CLEC7A: variants seen among roughly 807,000 people sequenced by gnomAD.
CLEC7A encodes C-type lectin domain containing 7A, also known as C-type lectin domain family 7 member A.
Under a neutral mutation model 26.9 loss-of-function variants are expected in CLEC7A, and 25 were observed. The observed-to-expected ratio is 0.93, with a 90% CI of 0.68 to 1.30. The LOEUF (loss-of-function observed/expected upper bound fraction) is 1.30, where lower values mean the gene tolerates loss of function less well. CLEC7A is among the 50% of genes most tolerant of loss of function. The probability of loss-of-function intolerance (pLI) is 0.00; values close to 1 mark genes in which losing one functional copy is unlikely to be tolerated. For synonymous variants in CLEC7A, 100 were observed against 99.5 expected (o/e 1.01, Z -0.03); for missense variants, 275 against 286.7 (o/e 0.96, Z 0.29).
At chr12:10,128,567 C>T (rs532960944) in intron 1 of CLEC7A, among the ~76,000 whole-genome samples, 12 of 152,194 alleles carry the variant, frequency 7.9e-5, no homozygotes, top group African/African-American at 2.2e-4. Flanking sequence ...TGTTGCATGA[C>T]CCTGGGCAAA....
chr12:10,127,148 C>T (rs763248251), intron 2 of CLEC7A: 23 of 1,094,448 alleles, frequency 2.1e-5, no homozygotes, highest in Non-Finnish European at 2.9e-5. Context: ...CATGAAGACT[C>T]TCTGAAGGTG....
intron 1 of CLEC7A, among the ~76,000 whole-genome samples, chr12:10,129,719 G>A (rs1043085008): frequency 1.3e-5 from 2 of 152,096 alleles, no homozygotes; most frequent in Admixed American, 6.6e-5. Context: ...CCAGGTTCAA[G>A]TGATTCTCCT....
At chr12:10,127,897 G>A in intron 1 of CLEC7A, 52 bp from the exon 2 acceptor site, 1 of 1,254,750 alleles carries the variant, frequency 8.0e-7, no homozygotes. Flanking sequence ...ATGACGGATG[G>A]TGGGGCAGTT....
At chr12:10,127,676 A>T in intron 2 of CLEC7A, 71 bp downstream of exon 2, 1 of 1,130,628 alleles carries the variant, frequency 8.8e-7, no homozygotes, top group Non-Finnish European at 1.3e-6. Context: ...TCAAGCCCTT[A>T]AAAGAGTGCC....
intron 5 of CLEC7A, among the ~76,000 whole-genome samples, chr12:10,119,426 G>A (rs962691475): frequency 1.3e-5 from 2 of 152,130 alleles, no homozygotes; most frequent in Non-Finnish European, 2.9e-5. Flanking sequence ...TAAGTGTTTT[G>A]GGGGCATAGA....
intron 4 of CLEC7A, among the ~76,000 whole-genome samples, chr12:10,123,796 C>A (rs1948184723): frequency 1.3e-5 from 2 of 149,662 alleles, no homozygotes; most frequent in South Asian, 4.1e-4. Context: ...GCATGCCTAA[C>A]CTGACATCAA....
intron 1 of CLEC7A, among the ~76,000 whole-genome samples, chr12:10,129,219 AC>A (rs1482208075): frequency 1.3e-5 from 2 of 152,178 alleles, no homozygotes. Flanking sequence ...TTGTTTAAAA[AC>A]AATTTAAATT....
chr12:10,129,298 G>A (rs116214711), intron 1 of CLEC7A, among the ~76,000 whole-genome samples: 34 of 151,846 alleles, frequency 2.2e-4, no homozygotes, highest in African/African-American at 7.5e-4. Context: ...GCCTCCATTC[G>A]ATAATCTAGC....
At position 10,130,096 on chromosome 12, in the gene CLEC7A, C is replaced by T. The variant is rs1442974329; in HGVS notation, c.-14G>A. On this transcript the variant is annotated 5_prime_UTR_variant, in exon 1 of 6. Coordinates refer to ENST00000304084, the MANE Select transcript of CLEC7A (RefSeq NM_197947.3). ...ATGATATTCCATTGTTCTTGAGAGCCCCTGAATAGATATAGCATTTGGGAG... is the reference window on the plus strand; with the variant it reads ...ATGATATTCCATTGTTCTTGAGAGCTCCTGAATAGATATAGCATTTGGGAG... 11 of 1,297,700 alleles carry T rather than the reference C, an allele frequency of 8.5e-6. No homozygotes were observed. Among genetic ancestry groups the T allele is most frequent in the Non-Finnish European group, 1.2e-5 (11 of 895,328 alleles). The allele number at this position is 1,297,700 out of a possible 1,614,324, so 80.4% of individuals were successfully genotyped here. A position where few individuals can be genotyped will look rare whatever the true frequency, so the allele number is the denominator to read the frequency against.
At chr12:10,120,902 C>T (rs1004908775) in intron 5 of CLEC7A, among the ~76,000 whole-genome samples, 78 of 151,358 alleles carry the variant, frequency 5.2e-4, no homozygotes, top group African/African-American at 1.8e-3. Context: ...TACAGGCGTC[C>T]ACCACCACAC....
rs773757098 is a variant in CLEC7A at position 10,125,125 on chromosome 12, G to C, written c.492+172C>G. ...TGAGGTGGGAGGATCACTTGAGCCT[G>C]GGATGTCGCGGCTTCACTGCACTCT... On this transcript the variant is annotated intron_variant, in intron 4 of 5. Coordinates refer to ENST00000304084, the MANE Select transcript of CLEC7A (RefSeq NM_197947.3). The C allele has an allele frequency of 4.3e-6, 3 of 695,392 alleles. No individual in the cohort carries two copies. In the African/African-American group the frequency reaches 5.3e-5, roughly 12 times the overall value. The allele number at this position is 695,392 out of a possible 1,614,324, so 43.1% of individuals were successfully genotyped here. A position where few individuals can be genotyped will look rare whatever the true frequency, so the allele number is the denominator to read the frequency against.
intron 5 of CLEC7A, among the ~76,000 whole-genome samples, chr12:10,120,899 G>A (rs1269363415): frequency 2.0e-5 from 3 of 150,822 alleles, no homozygotes; most frequent in Non-Finnish European, 3.0e-5. Context: ...GATTACAGGC[G>A]TCCACCACCA....
intron 2 of CLEC7A, 67 bp from the exon 3 acceptor site, chr12:10,126,775 TC>T (rs1347233499): frequency 7.9e-7 from 1 of 1,267,878 alleles, no homozygotes. Flanking sequence ...AAAATTAAAA[TC>T]CCAAAACCCA....
chr12:10,118,791 CTTAA>C (rs1947988400), intron 5 of CLEC7A, among the ~76,000 whole-genome samples: 1 of 151,622 alleles, frequency 6.6e-6, no homozygotes, highest in Non-Finnish European at 1.5e-5. Flanking sequence ...AGAAAAACGA[CTTAA>C]TTTTTTTTCA....
intron 4 of CLEC7A, among the ~76,000 whole-genome samples, chr12:10,124,231 CATATATCTAGTTCCATTAACTTTAAT>C (rs1948199126): frequency 6.6e-6 from 1 of 152,150 alleles, no homozygotes; most frequent in Admixed American, 6.5e-5. Flanking sequence ...CTTTCTTTGC[CATATATCTAGTTCCATTAACTTTAAT>C]ATAAATTATT....
intron 5 of CLEC7A, among the ~76,000 whole-genome samples, chr12:10,122,491 T>TC (rs1555160967): frequency 6.8e-6 from 1 of 146,276 alleles, no homozygotes; most frequent in African/African-American, 2.6e-5. Flanking sequence ...TTTCTTTTTT[T>TC]TTTTTTTTTT....
At position 10,129,625 on chromosome 12, in the gene CLEC7A, A is replaced by AT. The variant is rs950967913; in HGVS notation, c.103+354dup. On this transcript the variant is annotated intron_variant, in intron 1 of 5. Coordinates refer to ENST00000304084, the MANE Select transcript of CLEC7A (RefSeq NM_197947.3). ...ATCTTTTTGTTTTGTTTTTATTTTT[A>AT]TTTTTTTTCAGAGATGGAGTCTTGC... Among the ~76,000 whole-genome samples the AT allele has an allele frequency of 3.5e-3, 529 of 151,640 alleles. 2 individuals carry two copies. Among genetic ancestry groups the AT allele is most frequent in the African/African-American group, 0.012 (505 of 41,338 alleles).
At position 10,119,264 on chromosome 12, in the gene CLEC7A, T is replaced by C. The variant is rs369545336; in HGVS notation, c.612-674A>G. 3.9e-5 allele frequency among the ~76,000 whole-genome samples: 6 copies of C among 152,332 alleles called. No individual in the cohort carries two copies. The East Asian group carries it at 9.6e-4, about 24-fold the overall frequency. ...AAAAGCTATGACTTGGCACTCTTTG[T>C]CCTGGTTATGTATCTCTCCCTCTTG... On this transcript the variant is annotated intron_variant, in intron 5 of 5. Coordinates refer to ENST00000304084, the MANE Select transcript of CLEC7A (RefSeq NM_197947.3).
rs1267664350 is a variant in CLEC7A at position 10,118,543 on chromosome 12, C to G, written c.659G>C (p.Cys220Ser). ...TATQENPSPN[C>S]VWIHVSVIYD... The stretch of plus-strand genomic sequence containing the variant: ...AATGACTGACACGTGAATCCATACA[C>G]AATTTGGAGATGGGTTTTCTTGGGT... The change falls in exon 6 of 6, where the codon TGT (cysteine) becomes TCT (serine). Residue 220 changes from cysteine to serine, a missense_variant. Cys to Ser is a moderately radical substitution (Grantham distance 112). Transcript: ENST00000304084. 6.2e-7 allele frequency: 1 copy of G among 1,613,208 alleles called. No homozygotes were observed. The highest frequency in any genetic ancestry group is 8.5e-7 in the Non-Finnish European group (1 of 1,179,204).
Sources: allele counts gnomAD v4.1 joint callset (sites outside exome capture counted in the v4.1 genomes callset), GRCh38; gene constraint gnomAD v4.1.1; transcripts MANE v1.5; gene names NCBI Gene and HGNC (gene_info 2026-07-23, HGNC 2026-07-21).